CEACAM21: variants seen among roughly 807,000 people sequenced by gnomAD.
The protein encoded by CEACAM21 is CEA cell adhesion molecule 21.
A neutral mutation model predicts 33.2 loss-of-function variants in CEACAM21; 38 were observed. The ratio of observed to expected loss-of-function variants is 1.14; its 90% CI spans 0.88 to 1.50. CEACAM21 has a LOEUF of 1.50. Ranked by LOEUF, CEACAM21 falls within the 40% of genes most tolerant of loss-of-function variation. The pLI is 0.00. For synonymous variants in CEACAM21, 156 were observed against 143.0 expected (o/e 1.09, Z -0.65); for missense variants, 385 against 364.6 (o/e 1.06, Z -0.46).
upstream of CEACAM21, chr19:41,576,077 TGA>T: frequency 1.6e-6 from 1 of 616,592 alleles, no homozygotes; most frequent in Non-Finnish European, 2.9e-6. Flanking sequence ...GAGGCAGGAC[TGA>T]GAGGGGAGGG....
At chr19:41,564,558 C>G (rs2042131735) in intron 1 of CEACAM21, 1 of 152,226 alleles carries the variant, frequency 6.6e-6, no homozygotes, top group Non-Finnish European at 1.5e-5. Flanking sequence ...CGCCCTCTGC[C>G]TGCATGGCCA....
chr19:41,562,295 A>T (rs1053445996), intron 1 of CEACAM21, among the ~76,000 whole-genome samples: 1 of 151,620 alleles, frequency 6.6e-6, no homozygotes, highest in Non-Finnish European at 1.5e-5. Context: ...CACTATAAAG[A>T]AAGTTTTTTT....
At chr19:41,585,735 G>T (rs925917716) in intron 5 of CEACAM21, 105 bp from the exon 6 acceptor site, 7 of 1,253,344 alleles carry the variant, frequency 5.6e-6, no homozygotes, top group South Asian at 5.1e-5. Context: ...CCTGAGAAAG[G>T]CTCCCTCTCC....
At chr19:41,560,373 C>T (rs2041807431) in intron 1 of CEACAM21, among the ~76,000 whole-genome samples, 1 of 152,164 alleles carries the variant, frequency 6.6e-6, no homozygotes, top group Non-Finnish European at 1.5e-5. Flanking sequence ...CAGGTACTCA[C>T]TGCCATGCCT....
At chr19:41,581,572 GTA>G (rs1381463268) in intron 3 of CEACAM21, among the ~76,000 whole-genome samples, 2 of 152,164 alleles carry the variant, frequency 1.3e-5, no homozygotes, top group African/African-American at 4.8e-5. Flanking sequence ...CTGAGACTGG[GTA>G]ATTTTTTTAA....
At chr19:41,577,836 C>A (rs2043068933) in intron 2 of CEACAM21, among the ~76,000 whole-genome samples, 2 of 152,200 alleles carry the variant, frequency 1.3e-5, no homozygotes, top group Admixed American at 6.5e-5. Context: ...CCCCCCTTGG[C>A]CTCCTCCTCA....
At chr19:41,556,572 C>T (rs1181838782) in intron 1 of CEACAM21, among the ~76,000 whole-genome samples, 4 of 152,186 alleles carry the variant, frequency 2.6e-5, no homozygotes, top group Non-Finnish European at 5.9e-5. Context: ...CAAAGAATTG[C>T]GATTTCCACT....
At position 41,586,734 on chromosome 19, in the gene CEACAM21, G is replaced by T. The variant is rs184226159; in HGVS notation, c.*271G>T. On this transcript the variant is annotated 3_prime_UTR_variant, in exon 7 of 7. Transcript: ENST00000401445. ...CCCCGGGCTCTGGGTGGGCCAAGGC[G>T]AAGGCTTCCCATCACCACAGGAAGT... 6.1e-4 allele frequency: 226 copies of T among 372,966 alleles called. 2 individuals are homozygous for T. The highest frequency in any genetic ancestry group is 3.4e-3 in the South Asian group (154 of 45,224). The allele number at this position is 372,966 out of a possible 1,614,324, so 23.1% of individuals were successfully genotyped here.
intron 1 of CEACAM21, among the ~76,000 whole-genome samples, chr19:41,558,421 G>T (rs1391166430): frequency 1.3e-5 from 2 of 152,176 alleles, no homozygotes; most frequent in African/African-American, 4.8e-5. Context: ...GCCGAGGCAG[G>T]TAGATCATGA....
intron 1 of CEACAM21, among the ~76,000 whole-genome samples, chr19:41,554,690 A>G (rs1272677821): frequency 6.6e-6 from 1 of 152,032 alleles, no homozygotes; most frequent in African/African-American, 2.4e-5. Context: ...ATGTTTGACC[A>G]TAAGGTAACA....
At chr19:41,571,496 G>T (rs1486274400), upstream of CEACAM21, among the ~76,000 whole-genome samples, 1 of 152,106 alleles carries the variant, frequency 6.6e-6, no homozygotes, top group Admixed American at 6.5e-5. Flanking sequence ...GAAAATGCAT[G>T]ACCCCAAGGC....
Position 41,576,279 on chromosome 19 carries a change from G to T in CEACAM21, c.5G>T (p.Gly2Val), listed in dbSNP as rs781899502. The change falls in exon 1 of 7, where the codon GGG (glycine) becomes GTG (valine). Residue 2 changes from glycine (G) to valine (V), a missense_variant. Transcript: ENST00000401445. M[G>V]PPSACPHREC... is the part of the protein sequence containing the mutation. ...ACAGAGCAGGCAGCAGAGACCATGG[G>T]GCCCCCCTCAGCTTGTCCCCACAGA... 1 of 1,613,802 alleles carries T rather than the reference G, an allele frequency of 6.2e-7. No individual in the cohort carries two copies. The highest frequency in any genetic ancestry group is 8.5e-7 in the Non-Finnish European group (1 of 1,179,830).
At chr19:41,582,247 C>A (rs1270139986) in intron 3 of CEACAM21, among the ~76,000 whole-genome samples, 1 of 152,240 alleles carries the variant, frequency 6.6e-6, no homozygotes, top group African/African-American at 2.4e-5. Flanking sequence ...AAGAGCTGAA[C>A]TCCCATAGCC....
intron 1 of CEACAM21, among the ~76,000 whole-genome samples, chr19:41,560,401 C>T (rs1239586782): frequency 2.6e-5 from 4 of 152,028 alleles, no homozygotes; most frequent in Admixed American, 2.6e-4. Context: ...TTCTATTTTT[C>T]ATAGAGATGG....
chr19:41,562,017 G>T (rs1346473390), intron 1 of CEACAM21, among the ~76,000 whole-genome samples: 2 of 152,190 alleles, frequency 1.3e-5, no homozygotes, highest in Non-Finnish European at 2.9e-5. Context: ...AGGCCAAAGA[G>T]GGTGGATCAC....
intron 2 of CEACAM21, 137 bp downstream of exon 2, chr19:41,577,696 A>G (rs1229430375): frequency 7.9e-7 from 1 of 1,264,476 alleles, no homozygotes; most frequent in African/African-American, 1.5e-5. Flanking sequence ...AGTGCAGGAC[A>G]CACCCAGGGG....
intron 1 of CEACAM21, among the ~76,000 whole-genome samples, chr19:41,562,505 C>T (rs1448777533): frequency 1.3e-5 from 2 of 151,974 alleles, no homozygotes; most frequent in African/African-American, 2.4e-5. Context: ...AGAGGTATGT[C>T]CACCATGGCA....
chr19:41,574,294 T>C (rs992702827), upstream of CEACAM21, among the ~76,000 whole-genome samples: 4 of 152,178 alleles, frequency 2.6e-5, no homozygotes, highest in Non-Finnish European at 5.9e-5. Flanking sequence ...TGGGCAATGG[T>C]TTCTTCAATA....
Position 41,585,492 on chromosome 19 carries a change from C to T in CEACAM21, c.847C>T (p.Pro283Ser), listed in dbSNP as rs1232057161. Residue 283 changes from proline (P) to serine (S), a missense_variant, in exon 5 of 7, where the codon CCC (proline) becomes TCC (serine). Physicochemically the swap from Pro to Ser is moderately conservative, Grantham distance 74 (BLOSUM62 -1). Transcript: ENST00000401445. ...GGAGCAGCAGCCCCCAGCCTCCACCCCCGGTGAGTGTCCCTTCAGTCTGGG... is the reference window on the plus strand; with the variant it reads ...GGAGCAGCAGCCCCCAGCCTCCACCTCCGGTGAGTGTCCCTTCAGTCTGGG... ...FREQQPPAST[P>S]GHGPSDSSIS 2 of 1,613,836 alleles carry T rather than the reference C, an allele frequency of 1.2e-6. No individual in the cohort carries two copies. The highest frequency in any genetic ancestry group is 1.1e-5 in the South Asian group (1 of 91,086).
Sources: allele counts gnomAD v4.1 joint callset (sites outside exome capture counted in the v4.1 genomes callset), GRCh38; gene constraint gnomAD v4.1.1; transcripts MANE v1.5; gene names NCBI Gene and HGNC (gene_info 2026-07-23, HGNC 2026-07-21).